Variants in IPO11 observed in about 807,000 individuals in gnomAD.
The protein encoded by IPO11 is importin-11.
A neutral mutation model predicts 143.2 loss-of-function variants in IPO11; 66 were observed. The ratio of observed to expected loss-of-function variants is 0.46; its 90% confidence interval spans 0.38 to 0.57. The LOEUF (loss-of-function observed/expected upper bound fraction) is 0.57, where lower values mean the gene tolerates loss of function less well. Among genes scored for constraint, IPO11 ranks in the 20% least tolerant of loss-of-function variants. The pLI, the probability that IPO11 is intolerant of heterozygous loss-of-function variation, is 0.00. For synonymous variants in IPO11, 385 were observed against 377.8 expected, an observed-to-expected ratio of 1.02 and a Z score of -0.22; for missense variants, 1,026 against 1,141.0, an observed-to-expected ratio of 0.90 and a Z score of 1.45.
chr5:62,426,104 C>T (rs753093158), intron 1 of IPO11, among the ~76,000 whole-genome samples: 5 of 151,982 alleles, frequency 3.3e-5, no homozygotes, highest in Non-Finnish European at 2.9e-5. Flanking sequence ...TGTTGCTTAC[C>T]GGCTGGTCGT....
At chr5:62,456,667 T>C (rs1745169573) in intron 5 of IPO11, among the ~76,000 whole-genome samples, 1 of 152,366 alleles carries the variant, frequency 6.6e-6, no homozygotes, top group Admixed American at 6.5e-5. Flanking sequence ...GTCTTAACAG[T>C]CACTCAACAG....
chr5:62,418,968 G>A (rs746892266), intron 1 of IPO11: 12 of 1,534,280 alleles, frequency 7.8e-6, no homozygotes, highest in East Asian at 2.5e-5. Flanking sequence ...GAAATGGGTC[G>A]TTAGGCAATT....
At chr5:62,479,804 TTTTG>T (rs751361309) in intron 9 of IPO11, among the ~76,000 whole-genome samples, 34 of 152,136 alleles carry the variant, frequency 2.2e-4, no homozygotes, top group Non-Finnish European at 4.1e-4. Context: ...TTTCTTGTGA[TTTTG>T]TTTAACTTCT....
At chr5:62,598,158 A>C in intron 28 of IPO11, among the ~76,000 whole-genome samples, 1 of 152,084 alleles carries the variant, frequency 6.6e-6, no homozygotes, top group Non-Finnish European at 1.5e-5. Flanking sequence ...TGCTGAAAGT[A>C]ATCATTGACC....
chr5:62,624,175 C>T (rs1231696301), intron 29 of IPO11, among the ~76,000 whole-genome samples: 1 of 152,238 alleles, frequency 6.6e-6, no homozygotes, highest in Non-Finnish European at 1.5e-5. Context: ...GCTGAGATTA[C>T]AGGCATGCAC....
rs1240405583 is a variant in IPO11 at position 62,439,086 on chromosome 5, G to T, written c.138+1669G>T. ...AAAAAAAAAAAAAAAAATCTCTTGA[G>T]TATCTTTACTCTCCTTACGCTTATT... On this transcript the variant is annotated intron_variant, in intron 2 of 29. Transcript: ENST00000325324. 6.6e-5 allele frequency among the ~76,000 whole-genome samples: 10 copies of T among 151,160 alleles called. No individual in the cohort carries two copies. The East Asian group carries it at 1.9e-3, about 29-fold the overall frequency.
chr5:62,610,034 A>T (rs904194674), intron 29 of IPO11, among the ~76,000 whole-genome samples: 1 of 152,208 alleles, frequency 6.6e-6, no homozygotes, highest in African/African-American at 2.4e-5. Flanking sequence ...AGGGAATAAC[A>T]GCAGTCATGG....
At chr5:62,565,225 CCTGT>C (rs1392176915) in intron 27 of IPO11, among the ~76,000 whole-genome samples, 1 of 152,184 alleles carries the variant, frequency 6.6e-6, no homozygotes, top group Admixed American at 6.5e-5. Flanking sequence ...TGGGCTCACA[CCTGT>C]AATCCCAGCA....
At chr5:62,435,902 G>A (rs904149445) in intron 1 of IPO11, among the ~76,000 whole-genome samples, 2 of 152,080 alleles carry the variant, frequency 1.3e-5, no homozygotes, top group Admixed American at 6.6e-5. Context: ...GGTGGTGTGC[G>A]CCTGTAATCC....
chr5:62,519,025 C>T (rs758834478), intron 20 of IPO11, among the ~76,000 whole-genome samples: 1 of 152,086 alleles, frequency 6.6e-6, no homozygotes. Context: ...TGGCCAATTC[C>T]CTGTGTCACA....
chr5:62,482,307 GTTACTT>G (rs1454014228), intron 9 of IPO11, among the ~76,000 whole-genome samples: 1 of 152,108 alleles, frequency 6.6e-6, no homozygotes, highest in Non-Finnish European at 1.5e-5. Context: ...TCTGATCTTA[GTTACTT>G]CTTGCCTTCT....
At chr5:62,587,219 T>G (rs1382383980) in intron 27 of IPO11, among the ~76,000 whole-genome samples, 2 of 152,042 alleles carry the variant, frequency 1.3e-5, no homozygotes, top group Non-Finnish European at 2.9e-5. Context: ...AAAAGACAGG[T>G]AAGCAGGGGA....
chr5:62,527,870 A>G (rs965786303), intron 21 of IPO11, among the ~76,000 whole-genome samples: 3 of 152,198 alleles, frequency 2.0e-5, no homozygotes, highest in African/African-American at 7.2e-5. Flanking sequence ...AATCAGGCAA[A>G]CATAGGTGCC....
intron 19 of IPO11, among the ~76,000 whole-genome samples, chr5:62,513,420 C>A (rs1325509219): frequency 1.4e-5 from 2 of 142,478 alleles, no homozygotes; most frequent in African/African-American, 5.1e-5. Context: ...GCTGACCCCC[C>A]CCCCACCTCC....
At chr5:62,510,427 T>C (rs919117749) in intron 19 of IPO11, among the ~76,000 whole-genome samples, 3 of 152,232 alleles carry the variant, frequency 2.0e-5, no homozygotes, top group South Asian at 2.1e-4. Flanking sequence ...CAGATTGTTA[T>C]TGTAAAACTA....
chr5:62,592,814 A>C (rs1223833824), intron 28 of IPO11, among the ~76,000 whole-genome samples: 3 of 152,140 alleles, frequency 2.0e-5, no homozygotes, highest in African/African-American at 4.8e-5. Context: ...CACAAGCACG[A>C]GAACAGCATG....
chr5:62,496,112 AC>A (rs1400207110), intron 16 of IPO11, among the ~76,000 whole-genome samples: 1 of 151,876 alleles, frequency 6.6e-6, no homozygotes, highest in African/African-American at 2.4e-5. Flanking sequence ...GCACGATGAA[AC>A]CCCATCTCTA....
chr5:62,496,448 C>T (rs771131535), intron 16 of IPO11, among the ~76,000 whole-genome samples: 15 of 152,086 alleles, frequency 9.9e-5, no homozygotes, highest in Admixed American at 2.6e-4. Flanking sequence ...ACTTGTTTTG[C>T]ATATGTTTTA....
At chr5:62,614,740 A>G (rs1432660054) in intron 29 of IPO11, among the ~76,000 whole-genome samples, 1 of 152,110 alleles carries the variant, frequency 6.6e-6, no homozygotes, top group Non-Finnish European at 1.5e-5. Context: ...GTCCACTTTT[A>G]GCTTTGCTGT....
Sources: gnomAD v4.1 joint callset for allele counts (sites outside exome capture counted in the v4.1 genomes callset) on GRCh38, gnomAD v4.1.1 for gene constraint, MANE v1.5 for transcripts, NCBI Gene and HGNC (gene_info 2026-07-23, HGNC 2026-07-21) for gene names.